Variants in PCDHGA9 observed in about 807,000 individuals in gnomAD.
PCDHGA9 encodes protocadherin gamma-A9.
In PCDHGA9, 37 loss-of-function variants were observed where a neutral mutation model predicts 62.5. The observed-to-expected ratio is 0.59, with a 90% CI of 0.46 to 0.78. The LOEUF is 0.78. Ranked by LOEUF, PCDHGA9 falls within the 30% of genes least tolerant of loss-of-function variation. PCDHGA9 has a pLI of 0.00. For missense variants in PCDHGA9, 1,138 were observed against 1,166.2 expected (o/e 0.98, Z 0.35); for synonymous variants, 459 against 484.6 (o/e 0.95, Z 0.69).
In PCDHGA9 at chr5:141,414,973, A is replaced by G. The variant is rs533056439; in HGVS notation, c.2424+9597A>G. 1.9e-5 allele frequency: 30 copies of G among 1,613,870 alleles called. No homozygotes were observed. The African/African-American group carries it at 3.7e-4, about 20-fold the overall frequency. Reference sequence around the variant, plus strand: ...GGTGACCAAGGTGGTGGCGGTGGACAGAGACTCCGGCCAGAACGCCTGGCT... The same window carrying G: ...GGTGACCAAGGTGGTGGCGGTGGACGGAGACTCCGGCCAGAACGCCTGGCT... On this transcript the variant is annotated intron_variant, in intron 1 of 3. Transcript: ENST00000573521.
rs1282403944 is a variant in PCDHGA9 at position 141,485,452 on chromosome 5, G to A, written c.2425-9355G>A. ...TCATCAAGAACCCAATCGACCGAGA[G>A]GCACTGTGTGGGCTCAGTGCCAGCT... On this transcript the variant is annotated intron_variant, in intron 1 of 3. Transcript: ENST00000573521. The surrounding 1 kb of genome is among the most constrained non-coding windows in gnomAD (Gnocchi z 5.7). 2.5e-6 allele frequency: 4 copies of A among 1,614,054 alleles called. No individual in the cohort carries two copies. Among genetic ancestry groups the A allele is most frequent in the East Asian group, 4.5e-5 (2 of 44,884 alleles).
At chr5:141,433,397 A>C (rs189987785) in intron 1 of PCDHGA9, among the ~76,000 whole-genome samples, 2 of 150,410 alleles carry the variant, frequency 1.3e-5, no homozygotes, top group African/African-American at 4.9e-5. Context: ...CTATCTATCT[A>C]TCTATCTATT....
intron 1 of PCDHGA9, chr5:141,422,767 G>T: frequency 6.2e-7 from 1 of 1,613,786 alleles, no homozygotes; most frequent in Non-Finnish European, 8.5e-7. Context: ...CAACACTGGT[G>T]TTCTCTATGC....
chr5:141,409,844 C>G (rs1380163040), intron 1 of PCDHGA9: 3 of 1,611,858 alleles, frequency 1.9e-6, no homozygotes, highest in East Asian at 4.5e-5. Flanking sequence ...CAACGTGAGC[C>G]TGCGCGTGTT....
intron 1 of PCDHGA9, among the ~76,000 whole-genome samples, chr5:141,438,593 T>C (rs982159150): frequency 4.1e-5 from 3 of 73,984 alleles, no homozygotes; most frequent in Non-Finnish European, 5.5e-5. Flanking sequence ...CATACATACA[T>C]ATATATATAT....
intron 2 of PCDHGA9, among the ~76,000 whole-genome samples, chr5:141,500,838 GGCTTTT>G (rs2099802886): frequency 6.6e-6 from 1 of 151,878 alleles, no homozygotes. Flanking sequence ...AATGCTAATG[GGCTTTT>G]GCTACATTAG....
At chr5:141,464,680 A>G (rs747974832) in intron 1 of PCDHGA9, among the ~76,000 whole-genome samples, 3 of 152,144 alleles carry the variant, frequency 2.0e-5, no homozygotes, top group Non-Finnish European at 4.4e-5. Flanking sequence ...TTTTAATTAA[A>G]ATTTCTCTTA....
At chr5:141,450,702 G>A (rs1466981422) in intron 1 of PCDHGA9, among the ~76,000 whole-genome samples, 1 of 152,026 alleles carries the variant, frequency 6.6e-6, no homozygotes, top group Non-Finnish European at 1.5e-5. Flanking sequence ...GCCCAGGATG[G>A]TCTCCAACTC....
In PCDHGA9 at chr5:141,427,737, G is replaced by C. The variant is rs1460682938; in HGVS notation, c.2424+22361G>C. 2.5e-6 allele frequency: 3 copies of C among 1,223,986 alleles called. No homozygotes were observed. The African/African-American group carries it at 4.4e-5, about 18-fold the overall frequency. 75.8% of individuals were successfully genotyped at this position (1,223,986 alleles called of 1,614,324 possible). A position where few individuals can be genotyped will look rare whatever the true frequency, so the allele number is the denominator to read the frequency against. On this transcript the variant is annotated intron_variant, in intron 1 of 3. Coordinates refer to ENST00000573521, the MANE Select transcript of PCDHGA9 (RefSeq NM_018921.3). The stretch of plus-strand genomic sequence containing the variant: ...CCTGGACCTAGGGCTGAATGGCCAA[G>C]TCTCCTACTCCATCGTTACCACTGA...
intron 1 of PCDHGA9, 108 bp from the exon 2 acceptor site, chr5:141,494,699 T>G: frequency 6.3e-7 from 1 of 1,592,240 alleles, no homozygotes; most frequent in East Asian, 2.3e-5. Context: ...GTCCGTTTTC[T>G]TCTCTGTGCC....
intron 1 of PCDHGA9, among the ~76,000 whole-genome samples, chr5:141,473,583 A>G (rs905824343): frequency 6.6e-6 from 1 of 152,226 alleles, no homozygotes; most frequent in Non-Finnish European, 1.5e-5. Flanking sequence ...CTAAGACCAG[A>G]CAGACCTGTA....
At chr5:141,449,920 A>G (rs1287640011) in intron 1 of PCDHGA9, among the ~76,000 whole-genome samples, 1 of 151,842 alleles carries the variant, frequency 6.6e-6, no homozygotes, top group East Asian at 1.9e-4. Context: ...TTTAAATTCT[A>G]CCATACCTTA....
chr5:141,418,681 C>T (rs778899235), intron 1 of PCDHGA9: 2 of 1,614,052 alleles, frequency 1.2e-6, no homozygotes, highest in Non-Finnish European at 1.7e-6. Flanking sequence ...AGGGCATCAA[C>T]TCAGAGATCA....
intron 1 of PCDHGA9, chr5:141,441,940 G>T (rs2098285664): frequency 5.9e-6 from 2 of 341,298 alleles, no homozygotes; most frequent in Non-Finnish European, 1.1e-5. Flanking sequence ...GTCCTACCAC[G>T]TGCTGCAGGC....
chr5:141,455,254 G>T (rs936599726), intron 1 of PCDHGA9, among the ~76,000 whole-genome samples: 3 of 151,732 alleles, frequency 2.0e-5, no homozygotes, highest in African/African-American at 7.3e-5. Context: ...TAGTACAATC[G>T]CATTTCTTCC....
chr5:141,410,063 C>A lies in PCDHGA9; in HGVS notation c.2424+4687C>A. 1.9e-6 allele frequency: 3 copies of A among 1,612,972 alleles called. No homozygotes were observed. The South Asian group carries it at 3.3e-5, about 18-fold the overall frequency. On this transcript the variant is annotated intron_variant, in intron 1 of 3. Coordinates refer to ENST00000573521, the MANE Select transcript of PCDHGA9 (RefSeq NM_018921.3). ...TGAGCCCGGACTCTTCAGCCTGGGG[C>A]TGCGCACTGGGGAGGTGCGCACGGC...
chr5:141,431,768 G>T lies in PCDHGA9; in HGVS notation c.2424+26392G>T. 6.2e-7 allele frequency: 1 copy of T among 1,614,218 alleles called. No individual in the cohort carries two copies. The highest frequency in any genetic ancestry group is 8.5e-7 in the Non-Finnish European group (1 of 1,180,036). On this transcript the variant is annotated intron_variant, in intron 1 of 3. Coordinates refer to ENST00000573521, the MANE Select transcript of PCDHGA9 (RefSeq NM_018921.3). The surrounding 1 kb of genome is among the most constrained non-coding windows in gnomAD (Gnocchi z 4.8). ...TGCGCGAGCCAAAGTCCTGATCACT[G>T]TTCTGGACGTGAACGACAATGCCCC...
At chr5:141,419,096 G>T in intron 1 of PCDHGA9, 9 of 1,613,918 alleles carry the variant, frequency 5.6e-6, no homozygotes, top group Non-Finnish European at 7.6e-6. Context: ...CCTGGATCGG[G>T]AGCAGACCCC....
At chr5:141,483,224 G>A (rs530779494) in intron 1 of PCDHGA9, among the ~76,000 whole-genome samples, 17 of 152,242 alleles carry the variant, frequency 1.1e-4, no homozygotes, top group Middle Eastern at 3.4e-3. Flanking sequence ...AGTCACTGCA[G>A]AAATTTGAAC....
Sources: gnomAD v4.1 joint callset for allele counts (sites outside exome capture counted in the v4.1 genomes callset) on GRCh38, gnomAD v4.1.1 for gene constraint, Gnocchi (gnomAD v3.1) non-coding constraint, MANE v1.5 for transcripts, NCBI Gene and HGNC (gene_info 2026-07-23, HGNC 2026-07-21) for gene names.